RBFOX1: variants seen among roughly 807,000 people sequenced by gnomAD.
The protein encoded by RBFOX1 is RNA binding protein fox-1 homolog 1.
A neutral mutation model predicts 57.7 loss-of-function variants in RBFOX1; 8 were observed. The observed-to-expected ratio is 0.14, with a 90% CI of 0.08 to 0.25. RBFOX1 has a LOEUF of 0.25. RBFOX1 is among the 10% of genes least tolerant of loss of function. RBFOX1 has a pLI of 1.00. For synonymous variants in RBFOX1, 326 were observed against 222.4 expected (o/e 1.47, Z -4.15); for missense variants, 611 against 548.5 (o/e 1.11, Z -1.14).
At chr16:7,429,898 A>G (rs1189325748) in intron 4 of RBFOX1, among the ~76,000 whole-genome samples, 1 of 152,244 alleles carries the variant, frequency 6.6e-6, no homozygotes, top group East Asian at 1.9e-4. Context: ...AGAATGTATC[A>G]GTAAACAAAA....
chr16:6,807,700 G>C (rs140125858), intron 3 of RBFOX1, among the ~76,000 whole-genome samples: 58 of 152,056 alleles, frequency 3.8e-4, no homozygotes, highest in African/African-American at 1.3e-3. Flanking sequence ...CCTGTAATCG[G>C]AGCTACTCGG....
chr16:5,315,990 C>T (rs1245625529), intron 1 of RBFOX1, among the ~76,000 whole-genome samples: 1 of 152,136 alleles, frequency 6.6e-6, no homozygotes, highest in African/African-American at 2.4e-5. Flanking sequence ...CAAGTTCCAC[C>T]TACAGTAGGT....
chr16:7,413,033 C>T (rs1027167971), intron 4 of RBFOX1, among the ~76,000 whole-genome samples: 1 of 151,764 alleles, frequency 6.6e-6, no homozygotes, highest in African/African-American at 2.4e-5. Flanking sequence ...AAGAGCGAGA[C>T]TCCGTCTCAA....
chr16:6,667,732 A>C (rs912084319), intron 3 of RBFOX1, among the ~76,000 whole-genome samples: 13 of 152,062 alleles, frequency 8.5e-5, no homozygotes, highest in Non-Finnish European at 1.8e-4. Flanking sequence ...AGAAAAAAAT[A>C]TAGCCACATA....
At chr16:7,470,517 A>G (rs187689424) in intron 4 of RBFOX1, among the ~76,000 whole-genome samples, 68 of 151,648 alleles carry the variant, frequency 4.5e-4, no homozygotes, top group African/African-American at 1.5e-3. Context: ...GGATGGATGG[A>G]GGGATGGTTG....
At chr16:5,820,190 A>G (rs2055793235) in intron 3 of RBFOX1, among the ~76,000 whole-genome samples, 1 of 152,174 alleles carries the variant, frequency 6.6e-6, no homozygotes, top group African/African-American at 2.4e-5. Flanking sequence ...TGGGGATTAA[A>G]ACACTTGCCC....
At chr16:5,716,687 G>A (rs1042843528) in intron 3 of RBFOX1, among the ~76,000 whole-genome samples, 2 of 152,350 alleles carry the variant, frequency 1.3e-5, no homozygotes, top group African/African-American at 4.8e-5. Context: ...ATACCACTCT[G>A]TCTTTAAAAA....
chr16:5,361,262 G>C (rs1456519452), intron 1 of RBFOX1, among the ~76,000 whole-genome samples: 2 of 151,772 alleles, frequency 1.3e-5, no homozygotes, highest in East Asian at 3.9e-4. Flanking sequence ...GAAAGGAGGA[G>C]CTGTAAACAT....
intron 1 of RBFOX1, among the ~76,000 whole-genome samples, chr16:6,124,365 T>C (rs2096573444): frequency 6.6e-6 from 1 of 152,176 alleles, no homozygotes; most frequent in Non-Finnish European, 1.5e-5. Context: ...CCTCTGCTAT[T>C]GGAGTCATTG....
chr16:6,231,129 C>T lies in RBFOX1; in HGVS notation c.-126-85866C>T, dbSNP rs556565334. On this transcript the variant is annotated intron_variant, in intron 1 of 15. Coordinates refer to ENST00000550418, the MANE Select transcript of RBFOX1 (RefSeq NM_018723.4). Reference sequence around the variant, plus strand: ...GTTTTTTGGACGAATGATAATTAAGCTGAAATCTGAATGTTGAGAAGGGTA... The same window carrying T: ...GTTTTTTGGACGAATGATAATTAAGTTGAAATCTGAATGTTGAGAAGGGTA... Among the ~76,000 whole-genome samples, 45 of 151,840 alleles carry T rather than the reference C, an allele frequency of 3.0e-4. 1 individual carries two copies. Among genetic ancestry groups the T allele is most frequent in the African/African-American group, 1.0e-3 (43 of 41,332 alleles).
chr16:5,289,637 A>G (rs1170132344), intron 1 of RBFOX1, among the ~76,000 whole-genome samples: 1 of 152,204 alleles, frequency 6.6e-6, no homozygotes, highest in African/African-American at 2.4e-5. Context: ...CTTGCATCAT[A>G]TTTCATCACA....
chr16:7,054,124 C>T (rs1178721961), intron 4 of RBFOX1, among the ~76,000 whole-genome samples: 1 of 146,162 alleles, frequency 6.8e-6, no homozygotes, highest in African/African-American at 2.6e-5. Flanking sequence ...TCCTTTCCTC[C>T]CTCCCTCTTT....
At chr16:6,177,186 G>GTTTTTT (rs569428293) in intron 1 of RBFOX1, among the ~76,000 whole-genome samples, 1 of 128,628 alleles carries the variant, frequency 7.8e-6, no homozygotes, top group South Asian at 2.5e-4. Flanking sequence ...TTTCTTGTTT[G>GTTTTTT]TTTTTTTTTT....
intron 15 of RBFOX1, chr16:7,709,361 A>AC: frequency 9.3e-7 from 1 of 1,080,932 alleles, no homozygotes; most frequent in South Asian, 1.9e-5. Context: ...TGCAAGTCTC[A>AC]CCTAGCAGAG....
intron 3 of RBFOX1, among the ~76,000 whole-genome samples, chr16:5,821,540 T>G (rs112712119): frequency 2.6e-5 from 4 of 152,146 alleles, no homozygotes; most frequent in African/African-American, 4.8e-5. Context: ...TGGGATCAAG[T>G]GATCCTCCTG....
intron 4 of RBFOX1, among the ~76,000 whole-genome samples, chr16:7,074,149 A>C (rs13331971): frequency 1.3e-5 from 2 of 152,198 alleles, no homozygotes; most frequent in African/African-American, 4.8e-5. Context: ...GATTAGGAGA[A>C]AAAACAGTCA....
At chr16:5,600,987 A>T (rs72763275), downstream of RBFOX1, among the ~76,000 whole-genome samples, 7,928 of 152,234 alleles carry the variant, frequency 0.052, 279 homozygotes, top group African/African-American at 0.1. Flanking sequence ...CCTCTGACCC[A>T]CCTGCATCAG....
chr16:7,454,842 G>A (rs1038119120), intron 4 of RBFOX1, among the ~76,000 whole-genome samples: 28 of 152,198 alleles, frequency 1.8e-4, no homozygotes, highest in African/African-American at 6.8e-4. Context: ...GGACAAGGAT[G>A]GACCTAGGCG....
intron 1 of RBFOX1, among the ~76,000 whole-genome samples, chr16:5,293,798 TG>T (rs1285675979): frequency 2.5e-4 from 17 of 67,222 alleles, no homozygotes; most frequent in African/African-American, 6.7e-4. Context: ...GGTTATTTTT[TG>T]GGGGGGCGGG....
Sources: gnomAD v4.1 joint callset for allele counts (sites outside exome capture counted in the v4.1 genomes callset) on GRCh38, gnomAD v4.1.1 for gene constraint, MANE v1.5 for transcripts, NCBI Gene and HGNC (gene_info 2026-07-23, HGNC 2026-07-21) for gene names.